MAF: variants seen among roughly 807,000 people sequenced by gnomAD.
MAF encodes MAF bZIP transcription factor.
A neutral mutation model predicts 22.0 loss-of-function variants in MAF; 10 were observed. That is an observed-to-expected ratio of 0.45 (90% CI 0.28 to 0.77). The LOEUF is 0.77. Ranked by LOEUF, MAF falls within the 30% of genes least tolerant of loss-of-function variation. MAF has a pLI of 0.12. For synonymous variants in MAF, 337 were observed against 255.8 expected (o/e 1.32, Z -3.03); for missense variants, 544 against 548.4 (o/e 0.99, Z 0.08).
chr16:79,437,453 A>C, the MAF span, among the ~76,000 whole-genome samples: 1 of 152,120 alleles, frequency 6.6e-6, no homozygotes, highest in Non-Finnish European at 1.5e-5. Flanking sequence ...AAATGCTTCA[A>C]GAATGTCTCA....
the MAF span, among the ~76,000 whole-genome samples, chr16:79,484,103 C>A: frequency 6.6e-6 from 1 of 152,204 alleles, no homozygotes; most frequent in Non-Finnish European, 1.5e-5. Context: ...AATGGCACAG[C>A]ACCCCTTGAT....
the MAF span, among the ~76,000 whole-genome samples, chr16:79,366,003 A>G: frequency 6.6e-6 from 1 of 152,210 alleles, no homozygotes; most frequent in East Asian, 1.9e-4. Context: ...ACATTTTTGC[A>G]AGCACATGTT....
At chr16:79,383,055 A>C in the MAF span, among the ~76,000 whole-genome samples, 18 of 152,232 alleles carry the variant, frequency 1.2e-4, no homozygotes, top group African/African-American at 4.1e-4. Context: ...TAGGGGCAAA[A>C]GAATAGATAA....
the MAF span, among the ~76,000 whole-genome samples, chr16:79,521,110 C>T: frequency 7.2e-5 from 11 of 152,284 alleles, no homozygotes; most frequent in South Asian, 1.5e-3. Flanking sequence ...AAGAATGCAT[C>T]GAAAGCGCTT....
At chr16:79,216,838 C>G in the MAF span, among the ~76,000 whole-genome samples, 3 of 145,746 alleles carry the variant, frequency 2.1e-5, no homozygotes, top group African/African-American at 7.7e-5. Flanking sequence ...GAGATGGAGT[C>G]TCGCTCTGTC....
chr16:79,565,799 G>A, the MAF span, among the ~76,000 whole-genome samples: 10 of 152,302 alleles, frequency 6.6e-5, no homozygotes, highest in African/African-American at 2.4e-4. Context: ...AAACTTAGCA[G>A]GCTCAGGGAT....
the MAF span, among the ~76,000 whole-genome samples, chr16:79,467,751 T>C: frequency 6.6e-6 from 1 of 152,140 alleles, no homozygotes; most frequent in Non-Finnish European, 1.5e-5. Context: ...TGCCAGTGTA[T>C]GCTCAAGTTT....
the MAF span, among the ~76,000 whole-genome samples, chr16:79,540,138 G>A: frequency 6.6e-6 from 1 of 152,026 alleles, no homozygotes; most frequent in Non-Finnish European, 1.5e-5. Flanking sequence ...ACAGGAGCAT[G>A]CAGCCACCGA....
At chr16:79,566,845 A>G in the MAF span, among the ~76,000 whole-genome samples, 5 of 152,198 alleles carry the variant, frequency 3.3e-5, no homozygotes, top group Non-Finnish European at 7.3e-5. Flanking sequence ...TGATTTCCAA[A>G]TCCTCTTTGG....
At chr16:79,413,221 T>G in the MAF span, among the ~76,000 whole-genome samples, 3 of 15,170 alleles carry the variant, frequency 2.0e-4, no homozygotes, top group South Asian at 8.8e-3. Context: ...TTTTTTTTTT[T>G]TTTTTTTTTT....
the MAF span, among the ~76,000 whole-genome samples, chr16:79,512,908 G>A: frequency 1.1e-4 from 17 of 152,332 alleles, no homozygotes; most frequent in South Asian, 6.2e-4. Context: ...ATAGGCACAC[G>A]CATCCATCCA....
chr16:79,317,217 T>C, the MAF span, among the ~76,000 whole-genome samples: 26 of 145,666 alleles, frequency 1.8e-4, no homozygotes, highest in East Asian at 3.3e-3. Context: ...CCCTCTTTTC[T>C]TCCATCTCTC....
the MAF span, among the ~76,000 whole-genome samples, chr16:79,261,624 G>A: frequency 1.3e-5 from 2 of 152,206 alleles, no homozygotes; most frequent in Non-Finnish European, 2.9e-5. Flanking sequence ...ACAATTAGAA[G>A]GAGGCCAGGG....
At chr16:79,279,592 A>T in the MAF span, among the ~76,000 whole-genome samples, 1 of 152,030 alleles carries the variant, frequency 6.6e-6, no homozygotes, top group Non-Finnish European at 1.5e-5. Context: ...AGGGACATTC[A>T]AGCACTGACC....
At chr16:79,318,669 G>A in the MAF span, among the ~76,000 whole-genome samples, 1 of 152,194 alleles carries the variant, frequency 6.6e-6, no homozygotes, top group East Asian at 1.9e-4. Flanking sequence ...CCATTTCATG[G>A]CTCCTTTTAA....
chr16:79,528,619 G>C, the MAF span, among the ~76,000 whole-genome samples: 1 of 149,892 alleles, frequency 6.7e-6, no homozygotes, highest in African/African-American at 2.5e-5. Context: ...ATAAAACACA[G>C]TTTGACTTAA....
At chr16:79,204,292 C>G in the MAF span, 3 of 152,022 alleles carry the variant, frequency 2.0e-5, no homozygotes, top group Non-Finnish European at 2.9e-5. Context: ...ATGAGACAGC[C>G]TCTCAGGTCC....
chr16:79,470,138 G>A, the MAF span, among the ~76,000 whole-genome samples: 1 of 152,246 alleles, frequency 6.6e-6, no homozygotes, highest in South Asian at 2.1e-4. Context: ...TTTCCGGGAT[G>A]TGCTTACATT....
At chr16:79,444,246 T>C in the MAF span, among the ~76,000 whole-genome samples, 2 of 152,156 alleles carry the variant, frequency 1.3e-5, no homozygotes, top group South Asian at 4.1e-4. Flanking sequence ...ACAGGATTTA[T>C]AGCAAAATAA....
Sources: allele counts gnomAD v4.1 joint callset (sites outside exome capture counted in the v4.1 genomes callset), GRCh38; gene constraint gnomAD v4.1.1; transcripts MANE v1.5; gene names NCBI Gene and HGNC (gene_info 2026-07-23, HGNC 2026-07-21).